The following PARP8 variants were observed in gnomAD, a reference collection of about 807,000 sequenced individuals.
The protein encoded by PARP8 is protein mono-ADP-ribosyltransferase PARP8.
A neutral mutation model predicts 124.1 loss-of-function variants in PARP8; 51 were observed. The observed-to-expected ratio is 0.41, with a 90% CI of 0.33 to 0.52. PARP8 has a LOEUF of 0.52. PARP8 is among the 20% of genes least tolerant of loss of function. PARP8 has a pLI of 0.21. For missense variants in PARP8, 860 were observed against 1,018.9 expected (o/e 0.84, Z 2.12); for synonymous variants, 391 against 361.5 (o/e 1.08, Z -0.93).
chr5:50,843,329 C>T lies in PARP8; in HGVS notation c.*1261C>T, dbSNP rs1748362841. The T allele has an allele frequency of 6.6e-6, 1 of 151,548 alleles. No homozygotes were observed. The highest frequency in any genetic ancestry group is 6.6e-5 in the Admixed American group (1 of 15,130). The allele number at this position is 151,548 out of a possible 1,614,324, so 9.4% of individuals were successfully genotyped here. ...CAGTTTAATTAGTGAGTCTGCCACTCTATTCAAACCCTGAATCAAGGCTCT... is the reference window on the plus strand; with the variant it reads ...CAGTTTAATTAGTGAGTCTGCCACTTTATTCAAACCCTGAATCAAGGCTCT... On this transcript the variant is annotated 3_prime_UTR_variant, in exon 26 of 26. Transcript: ENST00000281631.
intron 2 of PARP8, among the ~76,000 whole-genome samples, chr5:50,735,954 A>AT (rs961162508): frequency 1.1e-4 from 14 of 131,448 alleles, no homozygotes; most frequent in South Asian, 2.5e-4. Context: ...GATCTAGGGG[A>AT]TTCCCCCCCC....
At chr5:50,689,083 T>C (rs1012208585) in intron 2 of PARP8, among the ~76,000 whole-genome samples, 3 of 146,398 alleles carry the variant, frequency 2.0e-5, no homozygotes, top group African/African-American at 7.6e-5. Context: ...ACAGTGTTCC[T>C]GGGGGCTCTT....
In PARP8 at chr5:50,794,325, T is replaced by C. The variant is rs1580362428; in HGVS notation, c.856T>C (p.Leu286=). Residue 286 remains leucine (L), a synonymous_variant, in exon 11 of 26, where the codon TTG becomes CTG. Coordinates refer to ENST00000281631, the MANE Select transcript of PARP8 (RefSeq NM_024615.4). Reference sequence around the variant, plus strand: ...GTCTCCCCTGCATTTATTTTCTACTTTGCGCAGGTTGGTAACAGGCAACTT... The same window carrying C: ...GTCTCCCCTGCATTTATTTTCTACTCTGCGCAGGTTGGTAACAGGCAACTT... ...VKSPLHLFST[L]RRSPSYPPPG... is the part of the protein sequence containing the mutation. The C allele has an allele frequency of 6.2e-7, 1 of 1,612,926 alleles. No individual in the cohort carries two copies. The highest frequency in any genetic ancestry group is 2.2e-5 in the East Asian group (1 of 44,784).
chr5:50,745,732 G>A (rs1298178597), intron 2 of PARP8, among the ~76,000 whole-genome samples: 1 of 152,194 alleles, frequency 6.6e-6, no homozygotes, highest in African/African-American at 2.4e-5. Flanking sequence ...GCTTAGTACT[G>A]AGTATAATCT....
intron 4 of PARP8, 58 bp downstream of exon 4, chr5:50,759,790 T>C: frequency 6.9e-7 from 1 of 1,439,756 alleles, no homozygotes; most frequent in Non-Finnish European, 9.2e-7. Context: ...TTATCTTTTT[T>C]TGTTTGTTTG....
chr5:50,762,731 G>C (rs1408421343), intron 6 of PARP8, among the ~76,000 whole-genome samples: 1 of 152,166 alleles, frequency 6.6e-6, no homozygotes. Context: ...TGTCTTTCTA[G>C]CAATAAGATA....
chr5:50,679,007 T>C (rs1258047987), intron 2 of PARP8, among the ~76,000 whole-genome samples: 3 of 152,196 alleles, frequency 2.0e-5, no homozygotes, highest in Non-Finnish European at 2.9e-5. Context: ...TAAAATGATA[T>C]TTATTTGTAA....
At position 50,697,995 on chromosome 5, in the gene PARP8, C is replaced by T. The variant is rs189410822; in HGVS notation, c.146+29870C>T. The stretch of plus-strand genomic sequence containing the variant: ...CATCTTCAGTGTCAGGAAGAAAAGC[C>T]TTCTGTCTCTCTCTCTCCTTGTGAT... On this transcript the variant is annotated intron_variant, in intron 2 of 25. Transcript: ENST00000281631. Among the ~76,000 whole-genome samples the T allele has an allele frequency of 4.2e-3, 639 of 152,220 alleles. 3 individuals carry two copies. Among genetic ancestry groups the T allele is most frequent in the African/African-American group, 0.015 (610 of 41,520 alleles).
At chr5:50,722,034 A>C (rs937671289) in intron 2 of PARP8, among the ~76,000 whole-genome samples, 9 of 152,096 alleles carry the variant, frequency 5.9e-5, no homozygotes, top group African/African-American at 2.2e-4. Flanking sequence ...TTGTGTGCCC[A>C]AGCTGTTCCC....
At chr5:50,694,993 G>C (rs1165436993) in intron 2 of PARP8, among the ~76,000 whole-genome samples, 1 of 152,160 alleles carries the variant, frequency 6.6e-6, no homozygotes, top group Non-Finnish European at 1.5e-5. Flanking sequence ...CAGCAAGTCG[G>C]CTTTGTTCTA....
intron 2 of PARP8, among the ~76,000 whole-genome samples, chr5:50,682,853 A>ATC (rs1378879463): frequency 6.6e-6 from 1 of 152,122 alleles, no homozygotes; most frequent in Non-Finnish European, 1.5e-5. Context: ...TTTTTCTATG[A>ATC]TCTCTTATAT....
intron 15 of PARP8, among the ~76,000 whole-genome samples, chr5:50,819,875 G>A (rs1745566352): frequency 6.6e-6 from 1 of 152,146 alleles, no homozygotes; most frequent in South Asian, 2.1e-4. Flanking sequence ...GTGAGGGTGG[G>A]AGAGGAAGAC....
intron 2 of PARP8, among the ~76,000 whole-genome samples, chr5:50,703,834 C>T (rs1490116529): frequency 7.9e-5 from 12 of 151,684 alleles, no homozygotes; most frequent in Non-Finnish European, 1.6e-4. Flanking sequence ...TTGTTTGATC[C>T]CAGGAGGTCG....
At chr5:50,668,027 A>C (rs374132774) in intron 1 of PARP8, 44 bp from the exon 2 acceptor site, 389 of 1,611,550 alleles carry the variant, frequency 2.4e-4, no homozygotes, top group Non-Finnish European at 3.0e-4. Context: ...GGGTTAAAAC[A>C]AATCCACTCC....
intron 25 of PARP8, among the ~76,000 whole-genome samples, chr5:50,837,509 T>C (rs1225849433): frequency 6.6e-6 from 1 of 152,142 alleles, no homozygotes; most frequent in East Asian, 1.9e-4. Flanking sequence ...TGATACATTA[T>C]GTGATCCTGG....
At chr5:50,746,852 C>T (rs1758594763) in intron 2 of PARP8, among the ~76,000 whole-genome samples, 1 of 152,016 alleles carries the variant, frequency 6.6e-6, no homozygotes, top group African/African-American at 2.4e-5. Context: ...TATAACAAGA[C>T]CCCTGTCTCT....
chr5:50,812,659 G>A (rs1744593377), intron 14 of PARP8, among the ~76,000 whole-genome samples: 1 of 152,128 alleles, frequency 6.6e-6, no homozygotes, highest in South Asian at 2.1e-4. Context: ...TAGACATGAA[G>A]TCCTTGCCCA....
chr5:50,701,034 A>G (rs1249862044), intron 2 of PARP8, among the ~76,000 whole-genome samples: 1 of 152,182 alleles, frequency 6.6e-6, no homozygotes, highest in African/African-American at 2.4e-5. Flanking sequence ...TTCTTCTATT[A>G]GAATGTATAT....
chr5:50,795,351 GCTCT>G lies in PARP8; in HGVS notation c.1367_1370del (p.Ser456LeufsTer9), dbSNP rs1742420839. 6.2e-7 allele frequency: 1 copy of G among 1,613,908 alleles called. No homozygotes were observed. Among genetic ancestry groups the G allele is most frequent in the Non-Finnish European group, 8.5e-7 (1 of 1,179,980 alleles). On this transcript the variant is annotated frameshift_variant, in exon 12 of 26. Coordinates refer to ENST00000281631, the MANE Select transcript of PARP8 (RefSeq NM_024615.4). LOFTEE classifies it high-confidence loss of function. ...AGGAACCTAACGCAGAGGGCAGGAG[GCTCT>G]CTCTTACCTCAGGGCTTATTGGTAT...
Sources: gnomAD v4.1 joint callset for allele counts (sites outside exome capture counted in the v4.1 genomes callset) on GRCh38, gnomAD v4.1.1 for gene constraint, MANE v1.5 for transcripts, NCBI Gene and HGNC (gene_info 2026-07-23, HGNC 2026-07-21) for gene names.